Variants in GRIK2 observed in about 807,000 individuals in gnomAD.
GRIK2 encodes glutamate ionotropic receptor kainate type subunit 2.
GRIK2 carries 32 observed loss-of-function variants against 100.3 expected under a neutral mutation model. That is an observed-to-expected ratio of 0.32 (90% CI 0.24 to 0.43). The LOEUF is 0.43. Among genes scored for constraint, GRIK2 ranks in the 20% least tolerant of loss-of-function variants. The probability of loss-of-function intolerance (pLI) is 1.00; values close to 1 mark genes in which losing one functional copy is unlikely to be tolerated. For synonymous variants in GRIK2, 417 were observed against 389.4 expected (o/e 1.07, Z -0.83); for missense variants, 843 against 1,114.9 (o/e 0.76, Z 3.47).
intron 2 of GRIK2, among the ~76,000 whole-genome samples, chr6:101,455,413 G>C (rs1013951382): frequency 6.6e-6 from 1 of 151,980 alleles, no homozygotes; most frequent in African/African-American, 2.4e-5. Context: ...ATTGGGGTTG[G>C]GAGTGGGATG....
At chr6:101,607,899 C>T (rs953334314) in intron 2 of GRIK2, among the ~76,000 whole-genome samples, 1 of 151,700 alleles carries the variant, frequency 6.6e-6, no homozygotes, top group African/African-American at 2.4e-5. Flanking sequence ...TGCAGAGGAA[C>T]CTTTGCCCAT....
In GRIK2 at chr6:101,676,793, A is replaced by T; in HGVS notation, c.712A>T (p.Ile238Phe). ...FDCSHEMAAG[I>F]LKQALAMGMM... Reference sequence around the variant, plus strand: ...TTGTAGCCATGAAATGGCAGCAGGCATTTTAAAACAGGTAACCTTTAAATT... The same window carrying T: ...TTGTAGCCATGAAATGGCAGCAGGCTTTTTAAAACAGGTAACCTTTAAATT... Residue 238 changes from isoleucine (I) to phenylalanine (F), a missense_variant, in exon 5 of 17, where the codon ATT becomes TTT. Ile to Phe is a conservative substitution (Grantham distance 21). Coordinates refer to ENST00000369134, the MANE Select transcript of GRIK2 (RefSeq NM_021956.5). 6.3e-7 allele frequency: 1 copy of T among 1,593,742 alleles called. No homozygotes were observed. Among genetic ancestry groups the T allele is most frequent in the Non-Finnish European group, 8.6e-7 (1 of 1,167,434 alleles).
At chr6:101,575,890 C>A (rs1173658781) in intron 2 of GRIK2, among the ~76,000 whole-genome samples, 1 of 151,796 alleles carries the variant, frequency 6.6e-6, no homozygotes, top group Admixed American at 6.6e-5. Flanking sequence ...TTTTGTGTAA[C>A]CTATGTAAGA....
intron 10 of GRIK2, among the ~76,000 whole-genome samples, chr6:101,854,331 C>T (rs1784304647): frequency 2.0e-5 from 3 of 152,164 alleles, no homozygotes; most frequent in South Asian, 2.1e-4. Flanking sequence ...ACAATCTCGG[C>T]TCACTGCAAC....
intron 11 of GRIK2, among the ~76,000 whole-genome samples, chr6:101,873,250 C>G (rs1330785893): frequency 8.3e-6 from 1 of 119,998 alleles, no homozygotes; most frequent in African/African-American, 3.1e-5. Flanking sequence ...CCCCCCTCCC[C>G]CCACCCCACA....
intron 2 of GRIK2, among the ~76,000 whole-genome samples, chr6:101,572,431 G>A (rs552512434): frequency 9.9e-5 from 15 of 152,130 alleles, no homozygotes; most frequent in South Asian, 2.1e-4. Flanking sequence ...GTAAGTGTGC[G>A]TAATACAATA....
chr6:101,393,881 G>T (rs1774899378), intron 1 of GRIK2, among the ~76,000 whole-genome samples, 44 bp downstream of exon 1: 1 of 147,046 alleles, frequency 6.8e-6, no homozygotes, highest in Admixed American at 6.7e-5. Flanking sequence ...GCTCCTTCAC[G>T]AGGTGTTTGT....
chr6:101,473,097 TTTCCTTCCTTCCTTCCTTCCTTCC>T (rs202063345), intron 2 of GRIK2, among the ~76,000 whole-genome samples: 2,491 of 133,314 alleles, frequency 0.019, 46 homozygotes, highest in African/African-American at 0.041. Flanking sequence ...AATCCTAGGT[TTTCCTTCCTTCCTTCCTTCCTTCC>T]TTCCTTCCTT....
intron 2 of GRIK2, among the ~76,000 whole-genome samples, chr6:101,575,063 C>T (rs74484681): frequency 0.16 from 23,533 of 151,412 alleles, 2,236 homozygotes; most frequent in Middle Eastern, 0.26. Context: ...TTAATATTGT[C>T]ATATGATTTA....
intron 7 of GRIK2, among the ~76,000 whole-genome samples, chr6:101,771,509 T>C (rs1778402044): frequency 6.6e-6 from 1 of 151,312 alleles, no homozygotes; most frequent in African/African-American, 2.4e-5. Flanking sequence ...TTTATTTTGT[T>C]TTATTTTATT....
At chr6:101,512,815 G>T (rs1774386377) in intron 2 of GRIK2, among the ~76,000 whole-genome samples, 1 of 151,694 alleles carries the variant, frequency 6.6e-6, no homozygotes, top group Non-Finnish European at 1.5e-5. Context: ...TCGTTTTCAA[G>T]AAATTCACTC....
At chr6:101,570,395 A>T (rs893947291) in intron 2 of GRIK2, among the ~76,000 whole-genome samples, 2 of 152,046 alleles carry the variant, frequency 1.3e-5, no homozygotes, top group African/African-American at 4.8e-5. Context: ...CTAGAGAAGG[A>T]CAAATCAGGA....
chr6:101,638,176 T>G (rs1337200689), intron 4 of GRIK2, among the ~76,000 whole-genome samples: 1 of 150,766 alleles, frequency 6.6e-6, no homozygotes, highest in Non-Finnish European at 1.5e-5. Context: ...ATTTACTGAT[T>G]TGTTTGTTTG....
intron 16 of GRIK2, among the ~76,000 whole-genome samples, chr6:102,056,058 TAAGA>T (rs1331588761): frequency 6.6e-6 from 1 of 151,834 alleles, no homozygotes; most frequent in African/African-American, 2.4e-5. Context: ...ATTTCTAGTT[TAAGA>T]AAGATATTAG....
chr6:101,774,096 T>G (rs568249186), intron 7 of GRIK2, among the ~76,000 whole-genome samples: 1 of 152,314 alleles, frequency 6.6e-6, no homozygotes, highest in Non-Finnish European at 1.5e-5. Flanking sequence ...AATTTAATTT[T>G]TAGGTTATCA....
At chr6:102,050,574 G>A in intron 15 of GRIK2, among the ~76,000 whole-genome samples, 1 of 151,488 alleles carries the variant, frequency 6.6e-6, no homozygotes, top group African/African-American at 2.4e-5. Flanking sequence ...TTGAAACTGG[G>A]AGGCGGAGGT....
intron 7 of GRIK2, among the ~76,000 whole-genome samples, chr6:101,731,301 G>A (rs1433890147): frequency 6.6e-6 from 1 of 151,886 alleles, no homozygotes; most frequent in Non-Finnish European, 1.5e-5. Context: ...GTGCTACAAA[G>A]GGAACGACCA....
intron 12 of GRIK2, among the ~76,000 whole-genome samples, chr6:101,913,717 A>G (rs1474364790): frequency 6.6e-6 from 1 of 151,532 alleles, no homozygotes; most frequent in East Asian, 1.9e-4. Flanking sequence ...GCTGTAATAA[A>G]GGAACATTTT....
chr6:101,482,633 A>T (rs1192397154), intron 2 of GRIK2, among the ~76,000 whole-genome samples: 1 of 152,150 alleles, frequency 6.6e-6, no homozygotes, highest in Non-Finnish European at 1.5e-5. Context: ...GTAGAGTAGG[A>T]AAGTTTAAGT....
Sources: allele counts gnomAD v4.1 joint callset (sites outside exome capture counted in the v4.1 genomes callset), GRCh38; gene constraint gnomAD v4.1.1; transcripts MANE v1.5; gene names NCBI Gene and HGNC (gene_info 2026-07-23, HGNC 2026-07-21).